ATF7: variants seen among roughly 807,000 people sequenced by gnomAD.
ATF7 encodes cyclic AMP-dependent transcription factor ATF-7.
In ATF7, 10 loss-of-function variants were observed where a neutral mutation model predicts 50.4. The observed-to-expected ratio is 0.20, with a 90% CI of 0.12 to 0.34. The LOEUF (loss-of-function observed/expected upper bound fraction) is 0.34. ATF7 is among the 10% of genes least tolerant of loss of function. The pLI is 1.00. For synonymous variants in ATF7, 201 were observed against 226.4 expected, an observed-to-expected ratio of 0.89 and a Z score of 1.01; for missense variants, 465 against 613.9, an observed-to-expected ratio of 0.76 and a Z score of 2.56.
intron 2 of ATF7, among the ~76,000 whole-genome samples, chr12:53,573,471 A>G (rs904513552): frequency 3.3e-5 from 5 of 152,186 alleles, no homozygotes; most frequent in African/African-American, 1.2e-4. Flanking sequence ...GTGTGGATTC[A>G]ATGTAGTGCT....
intron 1 of ATF7, among the ~76,000 whole-genome samples, chr12:53,604,155 T>C (rs1943510392): frequency 6.6e-6 from 1 of 152,028 alleles, no homozygotes; most frequent in Admixed American, 6.6e-5. Context: ...CAAGGAGAAG[T>C]GGGATGCTTT....
At chr12:53,605,921 T>C (rs535699872) in intron 1 of ATF7, among the ~76,000 whole-genome samples, 1 of 152,362 alleles carries the variant, frequency 6.6e-6, no homozygotes, top group East Asian at 1.9e-4. Flanking sequence ...ACTTCAGGTT[T>C]CTGCAGAAAG....
At chr12:53,622,390 G>A (rs568973696) in intron 1 of ATF7, among the ~76,000 whole-genome samples, 1 of 152,116 alleles carries the variant, frequency 6.6e-6, no homozygotes, top group East Asian at 1.9e-4. Flanking sequence ...AGAGGCCGAG[G>A]AGGGCAGATC....
intron 2 of ATF7, among the ~76,000 whole-genome samples, chr12:53,589,089 A>AT (rs5798269): frequency 6.6e-6 from 1 of 152,058 alleles, no homozygotes; most frequent in Non-Finnish European, 1.5e-5. Context: ...CTACTTACTC[A>AT]TTTTTTTCTA....
intron 1 of ATF7, among the ~76,000 whole-genome samples, chr12:53,624,186 A>G (rs1474704478): frequency 6.6e-6 from 1 of 152,256 alleles, no homozygotes; most frequent in Non-Finnish European, 1.5e-5. Context: ...TGAATGTCCA[A>G]TAGCAATGCA....
At chr12:53,531,159 G>A (rs913255911) in intron 9 of ATF7, among the ~76,000 whole-genome samples, 6 of 151,728 alleles carry the variant, frequency 4.0e-5, no homozygotes, top group South Asian at 2.1e-4. Flanking sequence ...GGTGGCTCAC[G>A]CCTGGAATCC....
chr12:53,553,635 A>G, intron 2 of ATF7, among the ~76,000 whole-genome samples: 1 of 152,174 alleles, frequency 6.6e-6, no homozygotes, highest in East Asian at 1.9e-4. Flanking sequence ...AGTCCCTTTG[A>G]GGCTCCTGGC....
At chr12:53,549,220 C>T (rs950885067) in intron 3 of ATF7, among the ~76,000 whole-genome samples, 2 of 148,944 alleles carry the variant, frequency 1.3e-5, no homozygotes, top group African/African-American at 5.0e-5. Context: ...CCGGGAAGCG[C>T]AGCTTGCAAT....
At chr12:53,599,583 C>CT (rs1306001609) in intron 2 of ATF7, among the ~76,000 whole-genome samples, 2 of 151,874 alleles carry the variant, frequency 1.3e-5, no homozygotes, top group African/African-American at 2.4e-5. Context: ...AATATGATGC[C>CT]TTTTTTGGTC....
chr12:53,607,028 T>C (rs899553894), intron 1 of ATF7, among the ~76,000 whole-genome samples: 9 of 152,176 alleles, frequency 5.9e-5, no homozygotes, highest in Non-Finnish European at 1.5e-5. Context: ...AACATACGTG[T>C]GCATGTGTCT....
chr12:53,578,477 GT>G (rs1267809722), intron 2 of ATF7, among the ~76,000 whole-genome samples: 1 of 151,400 alleles, frequency 6.6e-6, no homozygotes, highest in African/African-American at 2.4e-5. Context: ...CTTAAAAGAA[GT>G]TCTTTAGAGA....
rs1310145871 is a variant in ATF7, at chr12:53,524,398, T to C, written c.1125+166A>G. 2.0e-5 allele frequency among the ~76,000 whole-genome samples: 3 copies of C among 152,226 alleles called. No individual in the cohort carries two copies. The highest frequency in any genetic ancestry group is 2.0e-4 in the Admixed American group (3 of 15,278). On this transcript the variant is annotated intron_variant, in intron 10 of 11. Coordinates refer to ENST00000420353, the MANE Select transcript of ATF7 (RefSeq NM_006856.3). This position sits in a 1 kb window ranked among gnomAD's most constrained non-coding sequence, Gnocchi z 4.6. ...GATGGTGAGTGTCTTCACCAATACC[T>C]ATGAAAGAGATTTCAACTCTGACCG...
At chr12:53,575,324 T>A (rs560856527) in intron 2 of ATF7, among the ~76,000 whole-genome samples, 73 of 151,848 alleles carry the variant, frequency 4.8e-4, no homozygotes, top group Non-Finnish European at 6.2e-4. Context: ...GGAGAATCGC[T>A]TGAACCCAGG....
intron 1 of ATF7, among the ~76,000 whole-genome samples, chr12:53,615,086 AAAG>A (rs1438530667): frequency 6.6e-6 from 1 of 151,786 alleles, no homozygotes. Flanking sequence ...TCTCAAAAGA[AAAG>A]AAAAAAAAAA....
chr12:53,620,619 G>A (rs1470489949), intron 1 of ATF7, among the ~76,000 whole-genome samples: 1 of 150,934 alleles, frequency 6.6e-6, no homozygotes, highest in African/African-American at 2.4e-5. Context: ...AGCCAGGTGT[G>A]GTGGCACATG....
At chr12:53,590,553 T>TC (rs1322700594) in intron 2 of ATF7, among the ~76,000 whole-genome samples, 1 of 152,210 alleles carries the variant, frequency 6.6e-6, no homozygotes, top group Admixed American at 6.5e-5. Flanking sequence ...GTTCATCTTG[T>TC]CCTTGCTCCT....
At chr12:53,549,880 G>T (rs931984014) in intron 3 of ATF7, among the ~76,000 whole-genome samples, 2 of 152,048 alleles carry the variant, frequency 1.3e-5, no homozygotes, top group African/African-American at 4.8e-5. Flanking sequence ...CAACATGCCC[G>T]GCTAATTTTG....
At chr12:53,534,230 T>C (rs538255797) in intron 6 of ATF7, among the ~76,000 whole-genome samples, 397 of 152,158 alleles carry the variant, frequency 2.6e-3, no homozygotes, top group South Asian at 6.2e-3. Context: ...TGAGCCGAGA[T>C]TGCACCACTG....
chr12:53,582,801 G>A (rs537859946), intron 2 of ATF7, among the ~76,000 whole-genome samples: 1 of 152,160 alleles, frequency 6.6e-6, no homozygotes, highest in South Asian at 2.1e-4. Flanking sequence ...TGGCCAGGAT[G>A]GTCTCATCTC....
Sources: allele counts gnomAD v4.1 joint callset (sites outside exome capture counted in the v4.1 genomes callset), GRCh38; gene constraint gnomAD v4.1.1; non-coding constraint Gnocchi (gnomAD v3.1); transcripts MANE v1.5; gene names NCBI Gene and HGNC (gene_info 2026-07-23, HGNC 2026-07-21).